KLC1: variants seen among roughly 807,000 people sequenced by gnomAD.
The protein encoded by KLC1 is kinesin light chain 1.
A neutral mutation model predicts 84.2 loss-of-function variants in KLC1; 30 were observed. The ratio of observed to expected loss-of-function variants is 0.36; its 90% CI spans 0.27 to 0.48. KLC1 has a LOEUF of 0.48. Ranked by LOEUF, KLC1 falls within the 20% of genes least tolerant of loss-of-function variation. The pLI, the probability that KLC1 is intolerant of heterozygous loss-of-function variation, is 0.99. For missense variants in KLC1, 499 were observed against 805.4 expected, an observed-to-expected ratio of 0.62 and a Z score of 4.60; for synonymous variants, 289 against 293.3, an observed-to-expected ratio of 0.99 and a Z score of 0.15.
At chr14:103,633,638 A>G (rs2076848331) in intron 1 of KLC1, among the ~76,000 whole-genome samples, 1 of 151,624 alleles carries the variant, frequency 6.6e-6, no homozygotes, top group Non-Finnish European at 1.5e-5. Flanking sequence ...AACCTGAGTC[A>G]CTCCTCTGTT....
intron 3 of KLC1, among the ~76,000 whole-genome samples, chr14:103,660,112 G>C (rs2079153213): frequency 6.6e-6 from 1 of 152,126 alleles, no homozygotes; most frequent in Non-Finnish European, 1.5e-5. Flanking sequence ...TTAGTTGACA[G>C]CATGCTATTT....
At position 103,693,973 on chromosome 14, in the gene KLC1, C is replaced by CT. The variant is rs768968719; in HGVS notation, c.1848+1552dup. On this transcript the variant is annotated intron_variant, in intron 15 of 16. Transcript: ENST00000334553. The surrounding 1 kb of genome is among the most constrained non-coding windows in gnomAD (Gnocchi z 5.1). ...CCTTTTTGCCATGACACCAGACTCTCTTTTAAATTGTAATATTGTAATAAG... is the reference window on the plus strand; with the variant it reads ...CCTTTTTGCCATGACACCAGACTCTCTTTTTAAATTGTAATATTGTAATAAG... 7.9e-6 allele frequency: 9 copies of CT among 1,139,994 alleles called. No homozygotes were observed. The East Asian group carries it at 3.6e-4, about 46-fold the overall frequency. The allele number at this position is 1,139,994 out of a possible 1,614,324, so 70.6% of individuals were successfully genotyped here. A position where few individuals can be genotyped will look rare whatever the true frequency, so the allele number is the denominator to read the frequency against.
At chr14:103,636,091 T>C (rs1353977626) in intron 1 of KLC1, among the ~76,000 whole-genome samples, 1 of 152,182 alleles carries the variant, frequency 6.6e-6, no homozygotes, top group Admixed American at 6.6e-5. Flanking sequence ...TTGTTCCACA[T>C]TTCTGGAACT....
At chr14:103,672,945 C>A in intron 7 of KLC1, 69 bp from the exon 8 acceptor site, 1 of 1,384,518 alleles carries the variant, frequency 7.2e-7, no homozygotes, top group Non-Finnish European at 1.0e-6. Flanking sequence ...CCTGATGTGA[C>A]AGTAGGGTGG....
intron 13 of KLC1, chr14:103,685,626 TC>T (rs2081724140): frequency 7.8e-7 from 1 of 1,289,350 alleles, no homozygotes. Flanking sequence ...CTCTCTCCTT[TC>T]TGTCTGACAG....
intron 1 of KLC1, among the ~76,000 whole-genome samples, chr14:103,631,141 C>T (rs1047822580): frequency 2.0e-5 from 3 of 150,826 alleles, no homozygotes; most frequent in South Asian, 2.1e-4. Flanking sequence ...AGTGTAGTGG[C>T]GCGATCTCGG....
chr14:103,695,014 G>A lies in KLC1; in HGVS notation c.1848+2589G>A, dbSNP rs745628269. On this transcript the variant is annotated intron_variant, in intron 15 of 16. Transcript: ENST00000334553. ...GTCCCCGAGCTGCTCGCCTGTGGCC[G>A]TGGCTCCTTTTCTGAGGCTCCTGAC... 664 of 985,296 alleles carry A rather than the reference G, an allele frequency of 6.7e-4. 2 individuals are homozygous for A. Among genetic ancestry groups the A allele is most frequent in the Non-Finnish European group, 7.8e-4 (649 of 829,950 alleles). The allele number at this position is 985,296 out of a possible 1,614,324, so 61.0% of individuals were successfully genotyped here.
In KLC1 at chr14:103,681,141, C is replaced by T. The variant is rs1200325101; in HGVS notation, c.1650+1596C>T. On this transcript the variant is annotated intron_variant, in intron 13 of 16. Coordinates refer to ENST00000334553, the MANE Select transcript of KLC1 (RefSeq NM_001394837.1). Reference sequence around the variant, plus strand: ...GACACCTGATTCTATAGGCCATGTGCAGGCTGTGTATCTGGTGTGTCCCCT... The same window carrying T: ...GACACCTGATTCTATAGGCCATGTGTAGGCTGTGTATCTGGTGTGTCCCCT... Among the ~76,000 whole-genome samples, 5 of 152,164 alleles carry T rather than the reference C, an allele frequency of 3.3e-5. No individual in the cohort carries two copies. The East Asian group carries it at 5.8e-4, about 18-fold the overall frequency.
intron 1 of KLC1, among the ~76,000 whole-genome samples, chr14:103,633,347 G>A (rs536985387): frequency 2.0e-5 from 3 of 152,232 alleles, no homozygotes; most frequent in Admixed American, 6.5e-5. Context: ...GTGAGCCACC[G>A]CGCCTGGCCG....
intron 1 of KLC1, 64 bp from the exon 2 acceptor site, chr14:103,654,495 ATTTAC>A (rs2078699416): frequency 3.8e-6 from 5 of 1,330,646 alleles, no homozygotes; most frequent in Non-Finnish European, 5.1e-6. Context: ...AAATTTTCAT[ATTTAC>A]TTGATGTAAC....
intron 1 of KLC1, 81 bp downstream of exon 1, chr14:103,629,575 G>C (rs1595168918): frequency 6.6e-6 from 1 of 152,380 alleles, no homozygotes; most frequent in East Asian, 1.9e-4. Context: ...CTTCGGACCC[G>C]CCCCGGCCGT....
intron 1 of KLC1, among the ~76,000 whole-genome samples, chr14:103,636,656 T>G (rs911671826): frequency 6.6e-6 from 1 of 152,168 alleles, no homozygotes; most frequent in Non-Finnish European, 1.5e-5. Flanking sequence ...ATTTGTAAAG[T>G]GTCTGTTCAA....
At chr14:103,632,884 G>A (rs2076791692) in intron 1 of KLC1, among the ~76,000 whole-genome samples, 1 of 152,054 alleles carries the variant, frequency 6.6e-6, no homozygotes, top group Admixed American at 6.6e-5. Flanking sequence ...GGTCAGGGGT[G>A]GGATTGGGAT....
At chr14:103,680,018 G>A in intron 13 of KLC1, among the ~76,000 whole-genome samples, 1 of 152,224 alleles carries the variant, frequency 6.6e-6, no homozygotes, top group Non-Finnish European at 1.5e-5. Flanking sequence ...AGAAACAAGA[G>A]CTTACATGGC....
At chr14:103,672,013 G>A (rs2080426960) in intron 7 of KLC1, among the ~76,000 whole-genome samples, 1 of 152,166 alleles carries the variant, frequency 6.6e-6, no homozygotes, top group Non-Finnish European at 1.5e-5. Context: ...GATCAGACAT[G>A]TAGTTCCTCC....
chr14:103,700,743 T>C lies in KLC1; in HGVS notation c.*1+16T>C. 1 of 1,559,724 alleles carries C rather than the reference T, an allele frequency of 6.4e-7. No homozygotes were observed. The highest frequency in any genetic ancestry group is 8.7e-7 in the Non-Finnish European group (1 of 1,151,960). On this transcript the variant is annotated intron_variant, in intron 16 of 16. Transcript: ENST00000334553. ...CACCGCTAACGTGAGTCCCACGGCCTGCAGCCCCAGGAAGCAGGCAGCTGG... is the reference window on the plus strand; with the variant it reads ...CACCGCTAACGTGAGTCCCACGGCCCGCAGCCCCAGGAAGCAGGCAGCTGG...
At position 103,662,736 on chromosome 14, in the gene KLC1, C is replaced by T; in HGVS notation, c.606C>T (p.Ala202=). Residue 202 remains alanine, a synonymous_variant, in exon 5 of 17, where the codon GCC becomes GCT. Coordinates refer to ENST00000334553, the MANE Select transcript of KLC1 (RefSeq NM_001394837.1). ...QQQHSSAAAA[A]QQGGYEIPAR... ...AGCACAGCAGTGCAGCCGCGGCTGCCCAGCAGGGCGGCTACGAGATCCCCG... is the reference window on the plus strand; with the variant it reads ...AGCACAGCAGTGCAGCCGCGGCTGCTCAGCAGGGCGGCTACGAGATCCCCG... 6.2e-7 allele frequency: 1 copy of T among 1,604,930 alleles called. No individual in the cohort carries two copies. The highest frequency in any genetic ancestry group is 1.1e-5 in the South Asian group (1 of 90,460).
At chr14:103,689,249 T>C (rs902547624) in intron 14 of KLC1, among the ~76,000 whole-genome samples, 1 of 152,158 alleles carries the variant, frequency 6.6e-6, no homozygotes, top group African/African-American at 2.4e-5. Flanking sequence ...TGGTGCTGAG[T>C]GTTGTAACTT....
At chr14:103,635,080 T>C (rs34000399) in intron 1 of KLC1, among the ~76,000 whole-genome samples, 42,527 of 152,168 alleles carry the variant, frequency 0.28, 6,709 homozygotes, top group East Asian at 0.35. Context: ...TTTGCATATA[T>C]GCTTTTTGAA....
Sources: gnomAD v4.1 joint callset for allele counts (sites outside exome capture counted in the v4.1 genomes callset) on GRCh38, gnomAD v4.1.1 for gene constraint, Gnocchi (gnomAD v3.1) non-coding constraint, MANE v1.5 for transcripts, NCBI Gene and HGNC (gene_info 2026-07-23, HGNC 2026-07-21) for gene names.